HCN1: variants seen among roughly 807,000 people sequenced by gnomAD.
The protein encoded by HCN1 is hyperpolarization activated cyclic nucleotide gated potassium channel 1, also known as potassium/sodium hyperpolarization-activated cyclic nucleotide-gated channel 1.
HCN1 carries 13 observed loss-of-function variants against 78.9 expected under a neutral mutation model. The ratio of observed to expected loss-of-function variants is 0.16; its 90% CI spans 0.11 to 0.26. HCN1 has a LOEUF of 0.26. HCN1 is among the 10% of genes least tolerant of loss of function. HCN1 has a pLI of 1.00. For missense variants in HCN1, 810 were observed against 1,154.3 expected, an observed-to-expected ratio of 0.70 and a Z score of 4.32; for synonymous variants, 552 against 455.5, an observed-to-expected ratio of 1.21 and a Z score of -2.70.
intron 3 of HCN1, among the ~76,000 whole-genome samples, chr5:45,426,764 T>A (rs936224128): frequency 1.3e-5 from 2 of 152,152 alleles, no homozygotes; most frequent in South Asian, 4.1e-4. Context: ...TCATATGAAA[T>A]CTGAGAATGT....
chr5:45,266,768 G>A (rs1455416302), intron 7 of HCN1, among the ~76,000 whole-genome samples: 1 of 150,992 alleles, frequency 6.6e-6, no homozygotes, highest in Non-Finnish European at 1.5e-5. Context: ...GAGTGCAGTG[G>A]TACCATCTTG....
chr5:45,397,656 A>G (rs562694205), intron 3 of HCN1, among the ~76,000 whole-genome samples: 12 of 151,850 alleles, frequency 7.9e-5, no homozygotes, highest in South Asian at 2.1e-4. Context: ...ATAATAAAAT[A>G]TAAAGATTTT....
At chr5:45,453,693 T>C (rs1372846196) in intron 3 of HCN1, among the ~76,000 whole-genome samples, 1 of 152,108 alleles carries the variant, frequency 6.6e-6, no homozygotes, top group Non-Finnish European at 1.5e-5. Flanking sequence ...TTTATGCAAA[T>C]GGAATAACAA....
chr5:45,636,721 C>T (rs1938968756), intron 2 of HCN1, among the ~76,000 whole-genome samples: 1 of 152,138 alleles, frequency 6.6e-6, no homozygotes, highest in Non-Finnish European at 1.5e-5. Context: ...GGAGTGGTGG[C>T]ATGCACCTGT....
At chr5:45,475,743 C>T (rs1741500051) in intron 2 of HCN1, among the ~76,000 whole-genome samples, 1 of 151,996 alleles carries the variant, frequency 6.6e-6, no homozygotes, top group Non-Finnish European at 1.5e-5. Context: ...GTTTATGTAG[C>T]ATGAGAGTTA....
chr5:45,442,301 G>C (rs1235563654), intron 3 of HCN1, among the ~76,000 whole-genome samples: 1 of 152,068 alleles, frequency 6.6e-6, no homozygotes, highest in Non-Finnish European at 1.5e-5. Context: ...TTCTGTTAAG[G>C]CAGGAGTCTG....
At chr5:45,323,993 C>A (rs1746180669) in intron 5 of HCN1, among the ~76,000 whole-genome samples, 1 of 151,946 alleles carries the variant, frequency 6.6e-6, no homozygotes, top group Admixed American at 6.6e-5. Flanking sequence ...CAAGTCTTTG[C>A]TATTGTGAAT....
intron 6 of HCN1, among the ~76,000 whole-genome samples, chr5:45,287,914 A>G (rs144166122): frequency 1.9e-4 from 29 of 152,200 alleles, no homozygotes; most frequent in African/African-American, 6.5e-4. Flanking sequence ...AATGCCTAAC[A>G]TCATGGCACA....
At chr5:45,567,861 CT>C (rs2111895558) in intron 2 of HCN1, among the ~76,000 whole-genome samples, 1 of 148,500 alleles carries the variant, frequency 6.7e-6, no homozygotes, top group Non-Finnish European at 1.5e-5. Flanking sequence ...AAGGATGTGC[CT>C]TTTGCTTGTA....
chr5:45,445,171 C>T (rs1740762576), intron 3 of HCN1, among the ~76,000 whole-genome samples: 1 of 152,160 alleles, frequency 6.6e-6, no homozygotes, highest in Non-Finnish European at 1.5e-5. Flanking sequence ...AAAATCGGGT[C>T]ACTCCCACCC....
At chr5:45,603,989 G>T (rs1744675851) in intron 2 of HCN1, among the ~76,000 whole-genome samples, 1 of 152,024 alleles carries the variant, frequency 6.6e-6, no homozygotes, top group African/African-American at 2.4e-5. Flanking sequence ...AGTAGATCAT[G>T]AGTAGATAAT....
intron 1 of HCN1, 73 bp downstream of exon 1, chr5:45,695,596 C>G: frequency 6.7e-7 from 1 of 1,487,174 alleles, no homozygotes. Flanking sequence ...GGGACGCCCC[C>G]CACCCAAGGG....
chr5:45,556,317 A>G (rs1003302781), intron 2 of HCN1, among the ~76,000 whole-genome samples: 6 of 151,946 alleles, frequency 3.9e-5, no homozygotes, highest in African/African-American at 1.4e-4. Flanking sequence ...TTATTAATAC[A>G]TTACCAAGGA....
intron 2 of HCN1, among the ~76,000 whole-genome samples, chr5:45,577,645 A>C (rs1328468907): frequency 2.0e-5 from 3 of 152,054 alleles, no homozygotes; most frequent in African/African-American, 7.2e-5. Context: ...TAAAAAATCT[A>C]GGTAGCATAA....
intron 2 of HCN1, among the ~76,000 whole-genome samples, chr5:45,464,145 G>A (rs954160826): frequency 3.3e-5 from 5 of 151,944 alleles, no homozygotes; most frequent in Admixed American, 6.6e-5. Flanking sequence ...AAGAGATAAA[G>A]ATAAAATAAT....
chr5:45,545,844 T>A (rs184249397), intron 2 of HCN1, among the ~76,000 whole-genome samples: 15 of 152,184 alleles, frequency 9.9e-5, no homozygotes, highest in Non-Finnish European at 4.4e-5. Flanking sequence ...ACTCTGCTAG[T>A]AAAATATCAT....
chr5:45,375,910 A>C (rs574671528), intron 4 of HCN1, among the ~76,000 whole-genome samples: 138 of 122,696 alleles, frequency 1.1e-3, no homozygotes, highest in African/African-American at 3.7e-3. Context: ...ATAATATTTT[A>C]TCTTATATAT....
intron 4 of HCN1, among the ~76,000 whole-genome samples, chr5:45,380,855 A>T (rs1356649411): frequency 6.6e-6 from 1 of 152,178 alleles, no homozygotes; most frequent in Non-Finnish European, 1.5e-5. Flanking sequence ...TTGCTTGCTC[A>T]AAGTGAGATT....
At position 45,577,146 on chromosome 5, in the gene HCN1, C is replaced by T. The variant is rs182558735; in HGVS notation, c.849+68039G>A. Among the ~76,000 whole-genome samples the T allele has an allele frequency of 1.5e-3, 221 of 152,110 alleles. 1 individual carries two copies. The highest frequency in any genetic ancestry group is 1.8e-3 in the Non-Finnish European group (121 of 67,988). On this transcript the variant is annotated intron_variant, in intron 2 of 7. Transcript: ENST00000303230. ...AATAAATATTATTAACCTGCTAGTACAATCAGAATATTGTTGGAGCTGAAT... is the reference window on the plus strand; with the variant it reads ...AATAAATATTATTAACCTGCTAGTATAATCAGAATATTGTTGGAGCTGAAT...
Sources: gnomAD v4.1 joint callset for allele counts (sites outside exome capture counted in the v4.1 genomes callset) on GRCh38, gnomAD v4.1.1 for gene constraint, MANE v1.5 for transcripts, NCBI Gene and HGNC (gene_info 2026-07-23, HGNC 2026-07-21) for gene names.